The following CTDSPL2 variants were observed in gnomAD, a reference collection of about 807,000 sequenced individuals.
CTDSPL2 encodes CTD small phosphatase like 2.
CTDSPL2 carries 5 observed loss-of-function variants against 60.0 expected under a neutral mutation model. That is an observed-to-expected ratio of 0.08 (90% confidence interval 0.04 to 0.18). The LOEUF is 0.18. Among genes scored for constraint, CTDSPL2 ranks in the 10% least tolerant of loss-of-function variants. The pLI, the probability that CTDSPL2 is intolerant of heterozygous loss-of-function variation, is 1.00. For missense variants in CTDSPL2, 370 were observed against 548.8 expected (o/e 0.67, Z 3.26); for synonymous variants, 186 against 189.3 (o/e 0.98, Z 0.14).
At chr15:44,504,688 G>A (rs1358032422) in intron 8 of CTDSPL2, among the ~76,000 whole-genome samples, 1 of 150,368 alleles carries the variant, frequency 6.7e-6, no homozygotes, top group Non-Finnish European at 1.5e-5. Flanking sequence ...GGGCAAGATA[G>A]TGTGAGATCC....
At chr15:44,454,915 T>A (rs1182743703) in intron 1 of CTDSPL2, among the ~76,000 whole-genome samples, 1 of 152,210 alleles carries the variant, frequency 6.6e-6, no homozygotes, top group Admixed American at 6.5e-5. Flanking sequence ...TGTGGGCTCT[T>A]TTTTGGTTCC....
intron 1 of CTDSPL2, among the ~76,000 whole-genome samples, chr15:44,450,690 G>T (rs1455452747): frequency 8.7e-5 from 13 of 150,022 alleles, no homozygotes; most frequent in Non-Finnish European, 1.8e-4. Flanking sequence ...TCCGCCTCTG[G>T]GGTTCAGGTG....
chr15:44,515,298 T>A (rs2081630316), intron 10 of CTDSPL2, among the ~76,000 whole-genome samples: 1 of 152,228 alleles, frequency 6.6e-6, no homozygotes, highest in Middle Eastern at 3.2e-3. Context: ...AAAGAAAATG[T>A]TACATGAATC....
rs941364361 is a variant in CTDSPL2 at position 44,486,772 on chromosome 15, T to C, written c.475+72T>C. 3 of 1,216,916 alleles carry C rather than the reference T, an allele frequency of 2.5e-6. No individual in the cohort carries two copies. In the African/African-American group the frequency reaches 4.8e-5, roughly 19 times the overall value. 75.4% of individuals were successfully genotyped at this position (1,216,916 alleles called of 1,614,324 possible). A position where few individuals can be genotyped will look rare whatever the true frequency, so the allele number is the denominator to read the frequency against. ...GCATAGTTTGGGTTTTTTTTTTTTT[T>C]TTTTCTTGAGACGAAGTCTCTCTTT... On this transcript the variant is annotated intron_variant, in intron 4 of 12. Coordinates refer to ENST00000260327, the MANE Select transcript of CTDSPL2 (RefSeq NM_016396.3).
intron 8 of CTDSPL2, among the ~76,000 whole-genome samples, chr15:44,509,941 A>G (rs749031174): frequency 4.0e-5 from 6 of 151,520 alleles, no homozygotes; most frequent in African/African-American, 1.2e-4. Flanking sequence ...ATATATATAT[A>G]TATTCATTTT....
At chr15:44,446,529 C>A (rs903367290) in intron 1 of CTDSPL2, among the ~76,000 whole-genome samples, 1 of 151,896 alleles carries the variant, frequency 6.6e-6, no homozygotes, top group Non-Finnish European at 1.5e-5. Context: ...ACTTGGGAGG[C>A]CAAGGCAGGA....
intron 2 of CTDSPL2, among the ~76,000 whole-genome samples, chr15:44,469,027 TTAA>T (rs1327874814): frequency 1.3e-5 from 2 of 152,214 alleles, no homozygotes; most frequent in East Asian, 1.9e-4. Context: ...CTTATTTTAC[TTAA>T]TAATGGCCCC....
intron 5 of CTDSPL2, among the ~76,000 whole-genome samples, chr15:44,492,227 T>C (rs144706883): frequency 1.3e-5 from 2 of 152,192 alleles, no homozygotes; most frequent in East Asian, 3.9e-4. Flanking sequence ...TCCTAATTAC[T>C]CAGGAGGCTG....
intron 1 of CTDSPL2, among the ~76,000 whole-genome samples, chr15:44,428,816 T>A (rs1161162240): frequency 6.6e-6 from 1 of 152,212 alleles, no homozygotes; most frequent in Non-Finnish European, 1.5e-5. Flanking sequence ...GTCCATTTTT[T>A]ATTCTTAGAA....
At position 44,466,021 on chromosome 15, in the gene CTDSPL2, A is replaced by G. The variant is rs1235917926; in HGVS notation, c.186+6821A>G. On this transcript the variant is annotated intron_variant, in intron 2 of 12. Coordinates refer to ENST00000260327, the MANE Select transcript of CTDSPL2 (RefSeq NM_016396.3). The stretch of plus-strand genomic sequence containing the variant: ...ACCATGTTGGCTCACTGCAACCTCC[A>G]TCTCCTTGGTCCAAGCAATTCTCCT... 3.3e-5 allele frequency among the ~76,000 whole-genome samples: 5 copies of G among 151,048 alleles called. No homozygotes were observed. The East Asian group carries it at 9.7e-4, about 29-fold the overall frequency.
intron 1 of CTDSPL2, among the ~76,000 whole-genome samples, chr15:44,432,615 C>T (rs529358858): frequency 2.7e-5 from 4 of 146,286 alleles, no homozygotes; most frequent in South Asian, 2.2e-4. Context: ...CCACTGTGCC[C>T]GGCCTATTAT....
intron 1 of CTDSPL2, among the ~76,000 whole-genome samples, chr15:44,454,605 A>G (rs1009142539): frequency 1.3e-5 from 2 of 152,194 alleles, no homozygotes; most frequent in African/African-American, 4.8e-5. Context: ...ATTTTAGTGT[A>G]AGGTGTAAGC....
intron 1 of CTDSPL2, among the ~76,000 whole-genome samples, chr15:44,442,265 A>G (rs912937136): frequency 6.6e-6 from 1 of 152,142 alleles, no homozygotes; most frequent in African/African-American, 2.4e-5. Context: ...AGCATGGCCA[A>G]CATGGTGAAA....
chr15:44,520,239 C>T (rs2081740954), intron 11 of CTDSPL2: 1 of 151,280 alleles, frequency 6.6e-6, no homozygotes, highest in African/African-American at 2.4e-5. Flanking sequence ...GCCTCCACCT[C>T]CCGGGTTCGT....
At chr15:44,439,545 G>T (rs543863475) in intron 1 of CTDSPL2, among the ~76,000 whole-genome samples, 4 of 145,270 alleles carry the variant, frequency 2.8e-5, no homozygotes, top group Admixed American at 6.9e-5. Context: ...GTTTTTTTTG[G>T]GGGGGGGGGA....
intron 2 of CTDSPL2, among the ~76,000 whole-genome samples, chr15:44,464,476 C>G (rs1345603195): frequency 6.6e-6 from 1 of 152,172 alleles, no homozygotes; most frequent in Non-Finnish European, 1.5e-5. Context: ...TAACTGATAC[C>G]TGTATTATTT....
intron 2 of CTDSPL2, among the ~76,000 whole-genome samples, chr15:44,480,958 A>C (rs2081016453): frequency 6.6e-6 from 1 of 152,218 alleles, no homozygotes; most frequent in Non-Finnish European, 1.5e-5. Context: ...CTTCTAAAAA[A>C]TCCTACCATG....
chr15:44,486,183 G>C (rs1479275279), intron 3 of CTDSPL2, among the ~76,000 whole-genome samples: 3 of 152,212 alleles, frequency 2.0e-5, no homozygotes, highest in African/African-American at 7.2e-5. Context: ...AACCGTCCTA[G>C]AATGTAAACA....
intron 2 of CTDSPL2, among the ~76,000 whole-genome samples, chr15:44,466,421 C>T (rs2080692583): frequency 6.6e-6 from 1 of 152,204 alleles, no homozygotes; most frequent in African/African-American, 2.4e-5. Flanking sequence ...GAGGAAACGA[C>T]AGTTTAAGAT....
Sources: gnomAD v4.1 joint callset for allele counts (sites outside exome capture counted in the v4.1 genomes callset) on GRCh38, gnomAD v4.1.1 for gene constraint, MANE v1.5 for transcripts, NCBI Gene and HGNC (gene_info 2026-07-23, HGNC 2026-07-21) for gene names.